FLT3: variants seen among roughly 807,000 people sequenced by gnomAD.
The protein encoded by FLT3 is receptor-type tyrosine-protein kinase FLT3.
Under a neutral mutation model 126.6 loss-of-function variants are expected in FLT3, and 46 were observed. That is an observed-to-expected ratio of 0.36 (90% CI 0.29 to 0.46). FLT3 has a LOEUF of 0.46. FLT3 is among the 20% of genes least tolerant of loss of function. FLT3 has a pLI of 1.00. For synonymous variants in FLT3, 404 were observed against 434.4 expected (o/e 0.93, Z 0.87); for missense variants, 1,069 against 1,190.3 (o/e 0.90, Z 1.50).
At chr13:28,004,198 C>G in intron 23 of FLT3, 24 bp from the exon 24 acceptor site, 1 of 1,612,660 alleles carries the variant, frequency 6.2e-7, no homozygotes, top group Non-Finnish European at 8.5e-7. Context: ...AGAGACAGAA[C>G]ACTGATTACC....
At chr13:28,028,140 G>A (rs1376897600) in intron 16 of FLT3, 38 bp downstream of exon 16, 6 of 926,528 alleles carry the variant, frequency 6.5e-6, no homozygotes, top group Admixed American at 3.4e-5. Context: ...TCAAGCTACA[G>A]TCTTTTTGAT....
At position 28,050,270 on chromosome 13, in the gene FLT3, AC is replaced by A. The variant is rs34248726; in HGVS notation, c.615-49del. 1.7e-3 allele frequency: 2,755 copies of A among 1,585,458 alleles called. 45 individuals carry two copies. The African/African-American group carries it at 0.034, about 19-fold the overall frequency. ...ATTTGGCTAAACAAGTTTTAAAATTACAAATGAATGCTCAAGAGGAGAACAA... is the reference window on the plus strand; with the variant it reads ...ATTTGGCTAAACAAGTTTTAAAATTAAAATGAATGCTCAAGAGGAGAACAA... On this transcript the variant is annotated intron_variant, in intron 5 of 23. Transcript: ENST00000241453.
At position 28,015,700 on chromosome 13, in the gene FLT3, G is replaced by C; in HGVS notation, c.2543C>G (p.Ala848Gly). Reference sequence around the variant, plus strand: ...GGCCATCCATTTTACAGGCAGACGGGCCTGTGGAAAACCCAGAGGAGATAA... The same window carrying C: ...GGCCATCCATTTTACAGGCAGACGGCCCTGTGGAAAACCCAGAGGAGATAA... The part of the protein sequence containing the change: ...SDSNYVVRGN[A>G]RLPVKWMAPE... Residue 848 changes from alanine (A) to glycine (G), a missense_variant and splice_region_variant, in exon 21 of 24, where the codon GCC (alanine) becomes GGC (glycine). By Grantham distance (60) the Ala-to-Gly change is moderately conservative. Transcript: ENST00000241453. 1 of 1,602,726 alleles carries C rather than the reference G, an allele frequency of 6.2e-7. No individual in the cohort carries two copies. Among genetic ancestry groups the C allele is most frequent in the Non-Finnish European group, 8.5e-7 (1 of 1,170,002 alleles).
At chr13:28,049,822 C>T (rs768433360) in intron 6 of FLT3, 48 bp from the exon 7 acceptor site, 3 of 1,585,290 alleles carry the variant, frequency 1.9e-6, no homozygotes, top group East Asian at 2.2e-5. Context: ...TGATTTTTGC[C>T]TCATCACAAA....
intron 17 of FLT3, among the ~76,000 whole-genome samples, chr13:28,025,784 G>T (rs893665830): frequency 6.6e-6 from 1 of 152,118 alleles, no homozygotes; most frequent in Non-Finnish European, 1.5e-5. Context: ...TGAGTGTAAA[G>T]GAGAGGACGG....
At chr13:28,090,765 G>A (rs1313193681) in intron 1 of FLT3, among the ~76,000 whole-genome samples, 1 of 152,136 alleles carries the variant, frequency 6.6e-6, no homozygotes, top group African/African-American at 2.4e-5. Context: ...GTGACAGAGT[G>A]AGACCTGTCC....
chr13:28,010,472 C>T (rs1871258979), intron 23 of FLT3, among the ~76,000 whole-genome samples: 1 of 152,178 alleles, frequency 6.6e-6, no homozygotes, highest in Non-Finnish European at 1.5e-5. Context: ...TTGCAGAGCA[C>T]AGAATATTTG....
At chr13:28,034,915 A>C (rs1873691473) in intron 12 of FLT3, among the ~76,000 whole-genome samples, 1 of 148,682 alleles carries the variant, frequency 6.7e-6, no homozygotes, top group South Asian at 2.2e-4. Flanking sequence ...ACTGCACTGC[A>C]GCCTGGGTGA....
chr13:28,011,414 G>C (rs1183099979), intron 23 of FLT3, among the ~76,000 whole-genome samples: 1 of 152,072 alleles, frequency 6.6e-6, no homozygotes. Context: ...GATCACCCTG[G>C]GGAAGGTGAC....
At chr13:28,073,412 G>T (rs779838813) in intron 1 of FLT3, 1 of 446,412 alleles carries the variant, frequency 2.2e-6, no homozygotes, top group South Asian at 1.7e-5. Context: ...ATAGCGACAG[G>T]AGGTAATATA....
intron 1 of FLT3, among the ~76,000 whole-genome samples, chr13:28,072,067 G>C (rs1299894744): frequency 1.3e-5 from 2 of 151,314 alleles, no homozygotes; most frequent in Non-Finnish European, 2.9e-5. Flanking sequence ...GGGGGTATTA[G>C]GTATAATTGG....
chr13:28,046,601 T>G (rs1371001668), intron 9 of FLT3, among the ~76,000 whole-genome samples: 1 of 152,240 alleles, frequency 6.6e-6, no homozygotes, highest in Non-Finnish European at 1.5e-5. Context: ...AATTTTATTA[T>G]TATTTTTTCT....
chr13:28,091,315 G>T (rs369320406), intron 1 of FLT3, among the ~76,000 whole-genome samples: 7 of 127,644 alleles, frequency 5.5e-5, no homozygotes, highest in Non-Finnish European at 9.5e-5. Flanking sequence ...TCCGCCTCCC[G>T]GGTTCACGCC....
At chr13:28,021,640 C>G (rs9581960) in intron 19 of FLT3, among the ~76,000 whole-genome samples, 138,474 of 152,198 alleles carry the variant, frequency 0.91, 63,596 homozygotes, top group Non-Finnish European at 0.97. Context: ...GAGGGCAGTG[C>G]TATAGTCATA....
At position 28,100,324 on chromosome 13, in the gene FLT3, G is replaced by T; in HGVS notation, c.43+144C>A. On this transcript the variant is annotated intron_variant, in intron 1 of 23. Coordinates refer to ENST00000241453, the MANE Select transcript of FLT3 (RefSeq NM_004119.3). The surrounding 1 kb of genome is among the most constrained non-coding windows in gnomAD (Gnocchi z 4.8). ...GGCGAGTCCGGAGGGCGCGAAAGAG[G>T]GGAGGGGCGCGGGAGGCAATGGAAG... 1 of 487,396 alleles carries T rather than the reference G, an allele frequency of 2.1e-6. No homozygotes were observed. Among genetic ancestry groups the T allele is most frequent in the Non-Finnish European group, 3.1e-6 (1 of 318,878 alleles). 30.2% of individuals were successfully genotyped at this position (487,396 alleles called of 1,614,324 possible).
chr13:28,069,379 G>A (rs1383822868), intron 2 of FLT3, among the ~76,000 whole-genome samples: 2 of 152,188 alleles, frequency 1.3e-5, no homozygotes, highest in African/African-American at 4.8e-5. Flanking sequence ...GAGCTTTCAA[G>A]CCTGGGAACT....
At chr13:28,018,184 G>A (rs936390235) in intron 20 of FLT3, among the ~76,000 whole-genome samples, 1 of 152,144 alleles carries the variant, frequency 6.6e-6, no homozygotes, top group Admixed American at 6.5e-5. Context: ...TTGAGATTTT[G>A]GGTTTTTTAA....
chr13:28,010,689 T>C (rs1047209891), intron 23 of FLT3, among the ~76,000 whole-genome samples: 3 of 152,174 alleles, frequency 2.0e-5, no homozygotes, highest in African/African-American at 7.2e-5. Context: ...AGGGCCCTTT[T>C]CCTTCCCTAG....
At chr13:28,079,940 G>C (rs1363704847) in intron 1 of FLT3, among the ~76,000 whole-genome samples, 1 of 152,112 alleles carries the variant, frequency 6.6e-6, no homozygotes, top group African/African-American at 2.4e-5. Context: ...GAGAGGAGGG[G>C]GATGCCAGGC....
Sources: gnomAD v4.1 joint callset for allele counts (sites outside exome capture counted in the v4.1 genomes callset) on GRCh38, gnomAD v4.1.1 for gene constraint, Gnocchi (gnomAD v3.1) non-coding constraint, MANE v1.5 for transcripts, NCBI Gene and HGNC (gene_info 2026-07-23, HGNC 2026-07-21) for gene names.